Variants in ADAMTS16 observed in about 807,000 individuals in gnomAD.
ADAMTS16 encodes ADAM metallopeptidase with thrombospondin type 1 motif 16, also known as A disintegrin and metalloproteinase with thrombospondin motifs 16.
A neutral mutation model predicts 145.8 loss-of-function variants in ADAMTS16; 94 were observed. The observed-to-expected ratio is 0.64, with a 90% CI of 0.55 to 0.77. The LOEUF is 0.77. Ranked by LOEUF, ADAMTS16 falls within the 30% of genes least tolerant of loss-of-function variation. The pLI, the probability that ADAMTS16 is intolerant of heterozygous loss-of-function variation, is 0.00. For missense variants in ADAMTS16, 1,585 were observed against 1,591.5 expected (o/e 1.00, Z 0.07); for synonymous variants, 659 against 604.3 (o/e 1.09, Z -1.33).
chr5:5,210,548 C>A (rs1302259365), intron 10 of ADAMTS16, among the ~76,000 whole-genome samples: 1 of 152,178 alleles, frequency 6.6e-6, no homozygotes, highest in Admixed American at 6.5e-5. Context: ...CCTCCTTCAA[C>A]CCCTCCCTGA....
chr5:5,152,099 C>A (rs1218993646), intron 3 of ADAMTS16, among the ~76,000 whole-genome samples: 2 of 152,220 alleles, frequency 1.3e-5, no homozygotes, highest in African/African-American at 2.4e-5. Flanking sequence ...CAACCAAAAT[C>A]TTTATTATTT....
intron 21 of ADAMTS16, 117 bp from the exon 22 acceptor site, chr5:5,318,017 G>GA: frequency 2.6e-6 from 3 of 1,162,650 alleles, no homozygotes; most frequent in Non-Finnish European, 3.3e-6. Context: ...CTGCGACTAA[G>GA]TCGCTCTTCC....
At chr5:5,239,643 G>T in intron 15 of ADAMTS16, 38 bp from the exon 16 acceptor site, 1 of 1,604,778 alleles carries the variant, frequency 6.2e-7, no homozygotes, top group Non-Finnish European at 8.5e-7. Context: ...CTGCTTTCTG[G>T]AATGAAAAGC....
chr5:5,172,002 G>C (rs943651341), intron 3 of ADAMTS16, among the ~76,000 whole-genome samples: 1 of 152,128 alleles, frequency 6.6e-6, no homozygotes, highest in African/African-American at 2.4e-5. Flanking sequence ...TTGGTAGTTT[G>C]TATGTGTCTA....
At position 5,317,887 on chromosome 5, in the gene ADAMTS16, G is replaced by A. The variant is rs1234485633; in HGVS notation, c.3412-247G>A. ...GTTCCAGGAGCTATGTCAGCTGGTT[G>A]GTTTGGAATGCTCTGCTAGAGGCCT... On this transcript the variant is annotated intron_variant, in intron 21 of 22. Coordinates refer to ENST00000274181, the MANE Select transcript of ADAMTS16 (RefSeq NM_139056.4). The surrounding 1 kb of genome is among the most constrained non-coding windows in gnomAD (Gnocchi z 4.5). 6.6e-6 allele frequency among the ~76,000 whole-genome samples: 1 copy of A among 152,188 alleles called. No homozygotes were observed. Among genetic ancestry groups the A allele is most frequent in the Non-Finnish European group, 1.5e-5 (1 of 68,044 alleles).
At chr5:5,245,184 G>A (rs1277940802) in intron 17 of ADAMTS16, among the ~76,000 whole-genome samples, 1 of 152,140 alleles carries the variant, frequency 6.6e-6, no homozygotes, top group Non-Finnish European at 1.5e-5. Context: ...TTTATTAAAT[G>A]CTTCATTAGG....
chr5:5,192,140 T>G (rs919449883), intron 8 of ADAMTS16, among the ~76,000 whole-genome samples: 1 of 152,168 alleles, frequency 6.6e-6, no homozygotes, highest in East Asian at 1.9e-4. Context: ...TTCACCACCA[T>G]GCTTGGCTAA....
intron 10 of ADAMTS16, among the ~76,000 whole-genome samples, chr5:5,211,812 C>T (rs375536882): frequency 3.3e-4 from 50 of 152,116 alleles, no homozygotes; most frequent in East Asian, 2.9e-3. Context: ...CAACATATTA[C>T]GTAGAAATAT....
chr5:5,207,812 T>C (rs1736169234), intron 9 of ADAMTS16, among the ~76,000 whole-genome samples: 1 of 152,202 alleles, frequency 6.6e-6, no homozygotes. Flanking sequence ...AGCCTATTGA[T>C]GTAATAGATT....
chr5:5,247,468 C>T (rs1016270655), intron 17 of ADAMTS16, among the ~76,000 whole-genome samples: 3 of 152,134 alleles, frequency 2.0e-5, no homozygotes, highest in Admixed American at 6.5e-5. Flanking sequence ...TGATGTCACC[C>T]AGGCCCATTT....
In ADAMTS16 at chr5:5,301,937, G is replaced by A. The variant is rs569548244; in HGVS notation, c.2790-1331G>A. On this transcript the variant is annotated intron_variant, in intron 18 of 22. Transcript: ENST00000274181. ...TGATGTGCTTGCAAGGAGGTGGTGA[G>A]GAAGCCAGCTCCCCTCTCATCCCCT... Among the ~76,000 whole-genome samples, 15 of 152,288 alleles carry A rather than the reference G, an allele frequency of 9.8e-5. No individual in the cohort carries two copies. In the South Asian group the frequency reaches 1.0e-3, roughly 11 times the overall value.
At chr5:5,225,815 A>G (rs1226972884) in intron 11 of ADAMTS16, among the ~76,000 whole-genome samples, 2 of 152,092 alleles carry the variant, frequency 1.3e-5, no homozygotes, top group African/African-American at 4.8e-5. Flanking sequence ...GGGTGAGTGG[A>G]GAGATGAATT....
intron 18 of ADAMTS16, among the ~76,000 whole-genome samples, chr5:5,293,952 G>C (rs985061149): frequency 6.6e-6 from 1 of 152,210 alleles, no homozygotes; most frequent in African/African-American, 2.4e-5. Context: ...ACTGGGGCTT[G>C]TGGACATTCA....
At chr5:5,141,873 G>A (rs1443439562) in intron 2 of ADAMTS16, among the ~76,000 whole-genome samples, 1 of 139,710 alleles carries the variant, frequency 7.2e-6, no homozygotes, top group Non-Finnish European at 1.5e-5. Flanking sequence ...GGCGCTAGGT[G>A]CAAATGATAT....
intron 13 of ADAMTS16, among the ~76,000 whole-genome samples, chr5:5,235,812 G>A (rs1304277430): frequency 1.4e-5 from 2 of 147,370 alleles, no homozygotes. Flanking sequence ...GCTTGAAACT[G>A]GGAACATTGC....
rs1338856565 is a variant in ADAMTS16 at position 5,209,101 on chromosome 5, A to C, written c.1460A>C (p.Gln487Pro). The C allele has an allele frequency of 1.2e-6, 2 of 1,613,418 alleles. No individual in the cohort carries two copies. The highest frequency in any genetic ancestry group is 2.2e-5 in the East Asian group (1 of 44,864). Reference protein sequence around the residue: ...QYLHKFLSTAQAICLADQPKP... With the variant: ...QYLHKFLSTAPAICLADQPKP... ...TCTCCTCTTTGTTTCAGCACCGCTC[A>C]AGCTATCTGCCTTGCTGATCAGCCA... The change falls in exon 10 of 23, where the codon CAA becomes CCA. Residue 487 changes from glutamine (Q) to proline (P), a missense_variant. By Grantham distance (76) the Gln-to-Pro change is moderately conservative. Transcript: ENST00000274181.
At position 5,146,408 on chromosome 5, in the gene ADAMTS16, C is replaced by A. The variant is rs952277841; in HGVS notation, c.454C>A (p.Arg152=). ...EDFCFYQGSL[R]SHRNSSVALS... ...CTTCTGTTTCTATCAAGGCTCTTTG[C>A]GATCACACAGAAACTCCTCAGTGGC... The change falls in exon 3 of 23, where the codon CGA becomes AGA. Residue 152 remains arginine (R), a synonymous_variant. Transcript: ENST00000274181. 1 of 1,613,224 alleles carries A rather than the reference C, an allele frequency of 6.2e-7. No individual in the cohort carries two copies. The highest frequency in any genetic ancestry group is 8.5e-7 in the Non-Finnish European group (1 of 1,180,024).
intron 8 of ADAMTS16, among the ~76,000 whole-genome samples, chr5:5,197,700 T>C (rs1049417962): frequency 9.2e-5 from 14 of 152,230 alleles, no homozygotes; most frequent in African/African-American, 3.1e-4. Context: ...CAAAATGTGT[T>C]CTATTCATTC....
intron 9 of ADAMTS16, among the ~76,000 whole-genome samples, chr5:5,200,623 A>G (rs1735928882): frequency 6.6e-6 from 1 of 152,232 alleles, no homozygotes; most frequent in Non-Finnish European, 1.5e-5. Context: ...ACACATCTGT[A>G]TACACAATAA....
Sources: allele counts gnomAD v4.1 joint callset (sites outside exome capture counted in the v4.1 genomes callset), GRCh38; gene constraint gnomAD v4.1.1; non-coding constraint Gnocchi (gnomAD v3.1); transcripts MANE v1.5; gene names NCBI Gene and HGNC (gene_info 2026-07-23, HGNC 2026-07-21).